ARHGAP35: variants seen among roughly 807,000 people sequenced by gnomAD.
The protein encoded by ARHGAP35 is Rho GTPase activating protein 35.
In ARHGAP35, 15 loss-of-function variants were observed where a neutral mutation model predicts 111.1. The ratio of observed to expected loss-of-function variants is 0.13; its 90% confidence interval spans 0.09 to 0.21. The LOEUF (loss-of-function observed/expected upper bound fraction) is 0.21. Among genes scored for constraint, ARHGAP35 ranks in the 10% least tolerant of loss-of-function variants. ARHGAP35 has a pLI of 1.00. For missense variants in ARHGAP35, 1,262 were observed against 1,873.0 expected (o/e 0.67, Z 6.02); for synonymous variants, 643 against 710.3 (o/e 0.91, Z 1.51).
intron 1 of ARHGAP35, among the ~76,000 whole-genome samples, chr19:46,889,056 C>T (rs2056010608): frequency 6.6e-6 from 1 of 151,656 alleles, no homozygotes; most frequent in Admixed American, 6.6e-5. Context: ...TGGTGGCTCA[C>T]ACCTGTAACC....
intron 3 of ARHGAP35, among the ~76,000 whole-genome samples, chr19:46,943,995 A>G (rs190243361): frequency 2.6e-5 from 4 of 152,310 alleles, no homozygotes; most frequent in Admixed American, 2.6e-4. Context: ...AATATTTTTT[A>G]TCTGATTACA....
At chr19:46,980,815 G>A (rs1458897134) in intron 3 of ARHGAP35, among the ~76,000 whole-genome samples, 1 of 152,210 alleles carries the variant, frequency 6.6e-6, no homozygotes, top group Non-Finnish European at 1.5e-5. Flanking sequence ...TCATCCACTT[G>A]CCAACCAGCT....
At chr19:46,938,048 A>G (rs2056320604) in intron 3 of ARHGAP35, among the ~76,000 whole-genome samples, 1 of 152,182 alleles carries the variant, frequency 6.6e-6, no homozygotes, top group Non-Finnish European at 1.5e-5. Flanking sequence ...TGCTTTATTC[A>G]TTTGAGCTCT....
intron 3 of ARHGAP35, among the ~76,000 whole-genome samples, chr19:46,974,760 G>T (rs191527689): frequency 1.3e-5 from 2 of 152,176 alleles, no homozygotes; most frequent in Admixed American, 6.6e-5. Flanking sequence ...GGGGCTGACA[G>T]TTCCAACCCT....
intron 1 of ARHGAP35, among the ~76,000 whole-genome samples, 45 bp downstream of exon 1, chr19:46,861,254 C>A (rs973527726): frequency 3.3e-5 from 5 of 151,240 alleles, no homozygotes; most frequent in African/African-American, 1.2e-4. Flanking sequence ...GGCCGGGCGC[C>A]GCCCCGCTGC....
intron 3 of ARHGAP35, among the ~76,000 whole-genome samples, chr19:46,964,720 G>T (rs995165775): frequency 2.0e-5 from 3 of 152,202 alleles, no homozygotes; most frequent in African/African-American, 7.2e-5. Context: ...GGGCTGGTGT[G>T]GCTCATTGGA....
chr19:46,875,498 C>T (rs993049072), intron 1 of ARHGAP35, among the ~76,000 whole-genome samples: 3 of 152,090 alleles, frequency 2.0e-5, no homozygotes, highest in African/African-American at 7.2e-5. Context: ...TGGGATTCCT[C>T]AAGCCATGTA....
At chr19:46,912,478 T>C (rs1249209110) in intron 1 of ARHGAP35, among the ~76,000 whole-genome samples, 3 of 151,954 alleles carry the variant, frequency 2.0e-5, no homozygotes, top group Non-Finnish European at 4.4e-5. Flanking sequence ...CTCAGCCTCC[T>C]GAGTAGCTGG....
At chr19:46,875,515 A>G (rs1024549172) in intron 1 of ARHGAP35, among the ~76,000 whole-genome samples, 2 of 152,196 alleles carry the variant, frequency 1.3e-5, no homozygotes, top group African/African-American at 4.8e-5. Flanking sequence ...TGTAGAGGAA[A>G]GAAACTTTCC....
chr19:47,002,317 GC>G lies in ARHGAP35; in HGVS notation c.*1632del, dbSNP rs2056752753. On this transcript the variant is annotated 3_prime_UTR_variant, in exon 7 of 7. Coordinates refer to ENST00000672722, the MANE Select transcript of ARHGAP35 (RefSeq NM_004491.5). The stretch of plus-strand genomic sequence containing the variant: ...CCTGCAGTGGTTGGAGACGGGAGTG[GC>G]CCTTCGGCTCCCGAGCTCCCTCTGG... The G allele has an allele frequency of 6.5e-6, 1 of 152,726 alleles. No homozygotes were observed. Among genetic ancestry groups the G allele is most frequent in the African/African-American group, 2.4e-5 (1 of 41,470 alleles). The allele number at this position is 152,726 out of a possible 1,614,324, so 9.5% of individuals were successfully genotyped here. A position where few individuals can be genotyped will look rare whatever the true frequency, so the allele number is the denominator to read the frequency against.
chr19:47,003,140 G>C lies in ARHGAP35; in HGVS notation c.*2452G>C, dbSNP rs754551055. ...GGACTAGAGGACATCTCGGTCGTTT[G>C]AGGGGCATGGCCAGTCGTGGCAGGC... On this transcript the variant is annotated 3_prime_UTR_variant, in exon 7 of 7. Coordinates refer to ENST00000672722, the MANE Select transcript of ARHGAP35 (RefSeq NM_004491.5). 6.6e-6 allele frequency: 1 copy of C among 152,380 alleles called. No individual in the cohort carries two copies. The highest frequency in any genetic ancestry group is 1.5e-5 in the Non-Finnish European group (1 of 68,144). 9.4% of individuals were successfully genotyped at this position (152,380 alleles called of 1,614,324 possible). A position where few individuals can be genotyped will look rare whatever the true frequency, so the allele number is the denominator to read the frequency against.
chr19:46,868,893 AT>A (rs59080309), intron 1 of ARHGAP35, among the ~76,000 whole-genome samples: 1,663 of 58,572 alleles, frequency 0.028, 3 homozygotes, highest in East Asian at 0.057. Flanking sequence ...GCTCACCGTG[AT>A]TTTTTTTTTT....
rs2056556274 is a variant in ARHGAP35, at chr19:46,972,506, G to A, written c.3827-15483G>A. On this transcript the variant is annotated intron_variant, in intron 3 of 6. Coordinates refer to ENST00000672722, the MANE Select transcript of ARHGAP35 (RefSeq NM_004491.5). Reference sequence around the variant, plus strand: ...GGAAGTGCTCTTTCTTTAGACTTAGGCGTGCGGCGCACAGCCTTTCGTGAG... The same window carrying A: ...GGAAGTGCTCTTTCTTTAGACTTAGACGTGCGGCGCACAGCCTTTCGTGAG... 6.6e-5 allele frequency among the ~76,000 whole-genome samples: 10 copies of A among 152,266 alleles called. No individual in the cohort carries two copies. In the South Asian group the frequency reaches 2.1e-3, roughly 32 times the overall value.
chr19:46,878,299 A>T (rs979528794), intron 1 of ARHGAP35, among the ~76,000 whole-genome samples: 3 of 152,128 alleles, frequency 2.0e-5, no homozygotes, highest in Middle Eastern at 3.2e-3. Flanking sequence ...CTGGGATTAC[A>T]GGTATGAGCC....
Position 47,001,012 on chromosome 19 carries a change from G to A in ARHGAP35, c.*324G>A. 2.7e-6 allele frequency: 4 copies of A among 1,460,294 alleles called. No individual in the cohort carries two copies. In the South Asian group the frequency reaches 3.6e-5, roughly 13 times the overall value. The allele number at this position is 1,460,294 out of a possible 1,614,324, so 90.5% of individuals were successfully genotyped here. A position where few individuals can be genotyped will look rare whatever the true frequency, so the allele number is the denominator to read the frequency against. On this transcript the variant is annotated 3_prime_UTR_variant, in exon 7 of 7. Coordinates refer to ENST00000672722, the MANE Select transcript of ARHGAP35 (RefSeq NM_004491.5). The surrounding 1 kb of genome is among the most constrained non-coding windows in gnomAD (Gnocchi z 5.4). Reference sequence around the variant, plus strand: ...CACCAGCCTCCGGGTGCCTCCCTCTGCTTGTACAGAGCCCATGGTCGGGAC... The same window carrying A: ...CACCAGCCTCCGGGTGCCTCCCTCTACTTGTACAGAGCCCATGGTCGGGAC...
Position 46,925,763 on chromosome 19 carries a change from A to G in ARHGAP35, c.3681+3407A>G, listed in dbSNP as rs561651073. Among the ~76,000 whole-genome samples the G allele has an allele frequency of 1.1e-4, 17 of 152,314 alleles. 1 individual carries two copies. Among genetic ancestry groups the G allele is most frequent in the Admixed American group, 3.3e-4 (5 of 15,306 alleles). ...CCGCTTCCTTAGTTGGACTTTGGGC[A>G]TGTGAGTCACTTCTCCACATTCTTT... On this transcript the variant is annotated intron_variant, in intron 2 of 6. Coordinates refer to ENST00000672722, the MANE Select transcript of ARHGAP35 (RefSeq NM_004491.5).
intron 3 of ARHGAP35, among the ~76,000 whole-genome samples, chr19:46,961,301 T>TA (rs2056481286): frequency 6.6e-6 from 1 of 152,228 alleles, no homozygotes; most frequent in Admixed American, 6.5e-5. Flanking sequence ...TGTAGACACA[T>TA]GTATACACAC....
chr19:46,971,046 T>G (rs1387381184), intron 3 of ARHGAP35, among the ~76,000 whole-genome samples: 1 of 152,162 alleles, frequency 6.6e-6, no homozygotes, highest in Non-Finnish European at 1.5e-5. Flanking sequence ...ACAAACTGTT[T>G]CCATGTGTTA....
In ARHGAP35 at chr19:46,894,509, G is replaced by A. The variant is rs547091018; in HGVS notation, c.-188-23979G>A. On this transcript the variant is annotated intron_variant, in intron 1 of 6. Transcript: ENST00000672722. ...TGCCCAGGCTGGAGTGCAGTGGCAC[G>A]ATCTCTGCTCACTGTAACCTCTGCC... Among the ~76,000 whole-genome samples the A allele has an allele frequency of 7.0e-5, 10 of 142,178 alleles. No individual in the cohort carries two copies. The South Asian group carries it at 9.8e-4, about 14-fold the overall frequency. The allele number at this position is 142,178 out of a possible 152,430, so 93.3% of individuals were successfully genotyped here. A position where few individuals can be genotyped will look rare whatever the true frequency, so the allele number is the denominator to read the frequency against.
Sources: allele counts gnomAD v4.1 joint callset (sites outside exome capture counted in the v4.1 genomes callset), GRCh38; gene constraint gnomAD v4.1.1; non-coding constraint Gnocchi (gnomAD v3.1); transcripts MANE v1.5; gene names NCBI Gene and HGNC (gene_info 2026-07-23, HGNC 2026-07-21).